Variants in ZNF143 observed in about 807,000 individuals in gnomAD.
The protein encoded by ZNF143 is zinc finger protein 143.
In ZNF143, 49 loss-of-function variants were observed where a neutral mutation model predicts 74.1. The ratio of observed to expected loss-of-function variants is 0.66; its 90% CI spans 0.53 to 0.84. ZNF143 has a LOEUF of 0.84. Among genes scored for constraint, ZNF143 ranks in the 40% least tolerant of loss-of-function variants. The pLI is 0.00. For synonymous variants in ZNF143, 304 were observed against 282.8 expected, an observed-to-expected ratio of 1.07 and a Z score of -0.75; for missense variants, 637 against 793.4, an observed-to-expected ratio of 0.80 and a Z score of 2.37.
intron 7 of ZNF143, among the ~76,000 whole-genome samples, chr11:9,484,719 C>T (rs1306293881): frequency 7.4e-5 from 11 of 149,438 alleles, no homozygotes; most frequent in African/African-American, 2.8e-4. Flanking sequence ...CCCAGTTGAA[C>T]TCCTGACCTC....
At chr11:9,486,388 ATATATATAATATAT>A (rs1277706506) in intron 7 of ZNF143, among the ~76,000 whole-genome samples, 7 of 18,460 alleles carry the variant, frequency 3.8e-4, no homozygotes, top group East Asian at 9.0e-4. Context: ...TATATATATA[ATATATATAATATAT>A]TATATATATA....
At chr11:9,466,113 TC>T (rs1856195882) in intron 1 of ZNF143, among the ~76,000 whole-genome samples, 1 of 150,062 alleles carries the variant, frequency 6.7e-6, no homozygotes, top group African/African-American at 2.5e-5. Flanking sequence ...ATCCTGAGTA[TC>T]TGGGATTACA....
rs757772374 is a variant in ZNF143, at chr11:9,512,560, A to T, written c.1488A>T (p.Gln496His). 3.7e-6 allele frequency: 6 copies of T among 1,614,254 alleles called. No homozygotes were observed. Among genetic ancestry groups the T allele is most frequent in the Non-Finnish European group, 5.1e-6 (6 of 1,180,050 alleles). ...CAGTAACCCAATCTGGACTGAGTCA[A>T]CAAGTTACACTCATATCCCAGGATG... ...VATVTQSGLS[Q>H]QVTLISQDGT... The change falls in exon 13 of 16, where the codon CAA becomes CAT. Residue 496 changes from glutamine (Q) to histidine (H), a missense_variant. By Grantham distance (24) the Gln-to-His change is conservative. This residue lies in a region of ZNF143 where 344 missense variants were observed against 485.6 expected (regional missense o/e 0.71). Coordinates refer to ENST00000396602, the MANE Select transcript of ZNF143 (RefSeq NM_003442.6).
In ZNF143 at chr11:9,505,787, G is replaced by T. The variant is rs538079480; in HGVS notation, c.1148-2832G>T. On this transcript the variant is annotated intron_variant, in intron 11 of 15. Transcript: ENST00000396602. ...CCAGCTACTTGGGAGACTGAGGCAG[G>T]AGAGTTGCTTGAACCTGGGAGGTGG... 3.2e-4 allele frequency among the ~76,000 whole-genome samples: 49 copies of T among 151,128 alleles called. 1 individual carries two copies. Among genetic ancestry groups the T allele is most frequent in the African/African-American group, 1.1e-3 (44 of 41,188 alleles).
At chr11:9,493,870 A>G (rs945628099) in intron 7 of ZNF143, among the ~76,000 whole-genome samples, 4 of 152,196 alleles carry the variant, frequency 2.6e-5, no homozygotes, top group Non-Finnish European at 5.9e-5. Flanking sequence ...CTTCTAGTGA[A>G]TATAAGTACA....
intron 7 of ZNF143, among the ~76,000 whole-genome samples, chr11:9,486,190 A>G (rs1476219511): frequency 1.4e-5 from 2 of 147,158 alleles, no homozygotes; most frequent in East Asian, 3.9e-4. Context: ...AGCAGCCACC[A>G]CAGTGCATCA....
intron 15 of ZNF143, among the ~76,000 whole-genome samples, chr11:9,527,142 A>AT (rs945860654): frequency 4.0e-5 from 6 of 151,166 alleles, no homozygotes; most frequent in African/African-American, 1.5e-4. Flanking sequence ...CAATTTTTGT[A>AT]TTTTTTTAGT....
intron 11 of ZNF143, among the ~76,000 whole-genome samples, chr11:9,506,487 C>T (rs1026514668): frequency 6.6e-6 from 1 of 152,204 alleles, no homozygotes; most frequent in Non-Finnish European, 1.5e-5. Context: ...GAGCAGTGCT[C>T]TCAAATGAGT....
At chr11:9,482,276 C>CTT in intron 7 of ZNF143, among the ~76,000 whole-genome samples, 1 of 93,430 alleles carries the variant, frequency 1.1e-5, no homozygotes, top group East Asian at 3.4e-4. Flanking sequence ...GGCCCCAACT[C>CTT]TTTTTTTTTT....
intron 1 of ZNF143, among the ~76,000 whole-genome samples, chr11:9,462,791 C>T (rs1443075399): frequency 6.6e-6 from 1 of 152,090 alleles, no homozygotes; most frequent in African/African-American, 2.4e-5. Context: ...AGGAGAATCG[C>T]TTGAACCCAG....
chr11:9,465,666 A>G (rs1020453933), intron 1 of ZNF143, among the ~76,000 whole-genome samples: 7 of 129,412 alleles, frequency 5.4e-5, no homozygotes, highest in African/African-American at 2.0e-4. Flanking sequence ...CGCCTGGCTA[A>G]TTTTTTTTTT....
intron 1 of ZNF143, among the ~76,000 whole-genome samples, chr11:9,467,149 C>A (rs1856282577): frequency 6.6e-6 from 1 of 151,922 alleles, no homozygotes; most frequent in Admixed American, 6.6e-5. Context: ...GCCTTGGCCT[C>A]CCAAAGTGCT....
chr11:9,477,908 C>G (rs1409304352), intron 5 of ZNF143, among the ~76,000 whole-genome samples: 1 of 152,192 alleles, frequency 6.6e-6, no homozygotes, highest in Non-Finnish European at 1.5e-5. Flanking sequence ...TCACTGCAAC[C>G]TCTGCCTCCC....
chr11:9,516,132 G>A (rs562918505), intron 13 of ZNF143, 69 bp from the exon 14 acceptor site: 9 of 1,511,478 alleles, frequency 6.0e-6, no homozygotes, highest in Middle Eastern at 1.8e-4. Flanking sequence ...GATTAGTCCT[G>A]GTCCTTATGG....
intron 11 of ZNF143, among the ~76,000 whole-genome samples, chr11:9,503,450 T>A (rs943437493): frequency 1.3e-5 from 2 of 152,214 alleles, no homozygotes; most frequent in African/African-American, 4.8e-5. Context: ...CCCAAGTGGC[T>A]GCACCATTTT....
intron 7 of ZNF143, among the ~76,000 whole-genome samples, chr11:9,486,027 G>C (rs1223786423): frequency 1.3e-5 from 2 of 151,008 alleles, no homozygotes; most frequent in Non-Finnish European, 2.9e-5. Context: ...TTGAGCTCTA[G>C]AGCCAAACTC....
At chr11:9,525,100 A>C in intron 14 of ZNF143, 140 bp from the exon 15 acceptor site, 6 of 988,810 alleles carry the variant, frequency 6.1e-6, no homozygotes, top group Non-Finnish European at 8.7e-6. Flanking sequence ...ACCTCCTTTC[A>C]ATATAGGCTT....
rs1310622623 is a variant in ZNF143 at position 9,472,742 on chromosome 11, A to G, written c.178A>G (p.Thr60Ala). 2.5e-6 allele frequency: 4 copies of G among 1,597,832 alleles called. No individual in the cohort carries two copies. The highest frequency in any genetic ancestry group is 1.1e-5 in the South Asian group (1 of 88,166). The change falls in exon 3 of 16, where the codon ACT becomes GCT. Residue 60 changes from threonine (T) to alanine (A), a missense_variant. Thr to Ala is a moderately conservative substitution (Grantham distance 58). Transcript: ENST00000396602. Reference protein sequence around the residue: ...LQAVTLADGSTAYIQHNSKDA... With the variant: ...LQAVTLADGSAAYIQHNSKDA... ...AGCAGTAACACTTGCAGATGGTTCT[A>G]CTGCTTACATACAACACAATTCTAA...
chr11:9,512,738 A>C, intron 13 of ZNF143, 142 bp downstream of exon 13: 1 of 886,642 alleles, frequency 1.1e-6, no homozygotes, highest in East Asian at 2.6e-5. Flanking sequence ...TAGTCTGCTT[A>C]CAGAGACTAC....
Sources: allele counts gnomAD v4.1 joint callset (sites outside exome capture counted in the v4.1 genomes callset), GRCh38; gene constraint gnomAD v4.1.1; regional missense constraint gnomAD v4.1.1; transcripts MANE v1.5; gene names NCBI Gene and HGNC (gene_info 2026-07-23, HGNC 2026-07-21).